The following PTCHD4 variants were observed in gnomAD, a reference collection of about 807,000 sequenced individuals.
PTCHD4 encodes the protein patched domain containing 4.
In PTCHD4, 33 loss-of-function variants were observed where a neutral mutation model predicts 58.1. That is an observed-to-expected ratio of 0.57 (90% CI 0.43 to 0.76). The LOEUF is 0.76. Ranked by LOEUF, PTCHD4 falls within the 30% of genes least tolerant of loss-of-function variation. The pLI is 0.00. For missense variants in PTCHD4, 1,058 were observed against 1,027.1 expected (o/e 1.03, Z -0.41); for synonymous variants, 478 against 409.6 (o/e 1.17, Z -2.02).
chr6:47,979,171 G>A (rs116698237), intron 4 of PTCHD4, among the ~76,000 whole-genome samples: 2,599 of 152,210 alleles, frequency 0.017, 37 homozygotes, highest in South Asian at 0.046. Flanking sequence ...TTTGAGGGAT[G>A]GTTGTGGGGA....
In PTCHD4 at chr6:47,865,570, C is replaced by T. The variant is rs1763541783; in HGVS notation, c.*12733G>A. 6.6e-6 allele frequency among the ~76,000 whole-genome samples: 1 copy of T among 151,790 alleles called. No homozygotes were observed. Among genetic ancestry groups the T allele is most frequent in the African/African-American group, 2.4e-5 (1 of 41,356 alleles). On this transcript the variant is annotated 3_prime_UTR_variant, in exon 5 of 5. Coordinates refer to ENST00000339488, the MANE Select transcript of PTCHD4 (RefSeq NM_001384253.1). ...TGTTGTGTTTTAGACACTCAAAGTT[C>T]TTGGGTGTTCAGGCCATCTTACAGA...
chr6:47,894,750 T>C (rs1764482755), intron 4 of PTCHD4, among the ~76,000 whole-genome samples: 1 of 152,254 alleles, frequency 6.6e-6, no homozygotes, highest in Non-Finnish European at 1.5e-5. Flanking sequence ...TATTGCTCTC[T>C]TGTGATAAAT....
chr6:48,081,620 T>C (rs1156456939), intron 1 of PTCHD4, among the ~76,000 whole-genome samples: 1 of 152,182 alleles, frequency 6.6e-6, no homozygotes, highest in African/African-American at 2.4e-5. Context: ...TTAAATGTGC[T>C]TCTTGCCTTC....
chr6:48,004,250 A>C (rs1476373987), intron 4 of PTCHD4, among the ~76,000 whole-genome samples: 1 of 152,138 alleles, frequency 6.6e-6, no homozygotes, highest in African/African-American at 2.4e-5. Context: ...CTGTATCTGA[A>C]AGGCTTGTTT....
rs1369665796 is a variant in PTCHD4 at position 47,861,121 on chromosome 6, A to T, written c.*17182T>A. Among the ~76,000 whole-genome samples the T allele has an allele frequency of 1.3e-5, 2 of 151,928 alleles. No homozygotes were observed. The highest frequency in any genetic ancestry group is 4.8e-5 in the African/African-American group (2 of 41,406). On this transcript the variant is annotated 3_prime_UTR_variant, in exon 5 of 5. Coordinates refer to ENST00000339488, the MANE Select transcript of PTCHD4 (RefSeq NM_001384253.1). ...AAACATGTTGGAACTTGGCGTGAAG[A>T]AGGGCAAGATTGTTTTTCTCCATCT...
chr6:47,955,419 T>C (rs1193450428), intron 4 of PTCHD4, among the ~76,000 whole-genome samples: 2 of 152,158 alleles, frequency 1.3e-5, no homozygotes, highest in Non-Finnish European at 2.9e-5. Context: ...AGAAATAGTA[T>C]AAGCTGACGG....
intron 4 of PTCHD4, among the ~76,000 whole-genome samples, chr6:48,005,956 C>T (rs755771635): frequency 3.3e-5 from 5 of 152,088 alleles, no homozygotes; most frequent in Non-Finnish European, 5.9e-5. Context: ...TTTATTTCAC[C>T]AGTTCTCAAT....
intron 1 of PTCHD4, among the ~76,000 whole-genome samples, chr6:48,082,919 C>A (rs1220337644): frequency 6.6e-5 from 10 of 151,746 alleles, no homozygotes; most frequent in Admixed American, 6.6e-4. Flanking sequence ...CTTATTGGTA[C>A]ATGTTTGGCT....
chr6:48,002,981 C>T (rs969919057), intron 4 of PTCHD4, among the ~76,000 whole-genome samples: 8 of 152,020 alleles, frequency 5.3e-5, no homozygotes, highest in African/African-American at 1.9e-4. Context: ...TCTCTTGTTC[C>T]TTCATAAAAC....
chr6:48,011,373 G>A (rs980981604), intron 3 of PTCHD4, among the ~76,000 whole-genome samples: 10 of 152,058 alleles, frequency 6.6e-5, no homozygotes, highest in African/African-American at 2.2e-4. Flanking sequence ...CTCATTAAAT[G>A]TCTTCTTTTG....
chr6:47,960,922 A>T (rs1767061241), intron 4 of PTCHD4, among the ~76,000 whole-genome samples: 1 of 151,342 alleles, frequency 6.6e-6, no homozygotes, highest in Non-Finnish European at 1.5e-5. Flanking sequence ...ATGACTAGGA[A>T]ACTGCTATCA....
intron 4 of PTCHD4, among the ~76,000 whole-genome samples, chr6:47,957,600 A>T (rs1482652827): frequency 1.8e-4 from 26 of 146,368 alleles, no homozygotes; most frequent in African/African-American, 4.8e-4. Context: ...TTTTATTTTT[A>T]TTTTTATTTT....
At chr6:48,057,771 G>C (rs1204509055) in intron 3 of PTCHD4, among the ~76,000 whole-genome samples, 1 of 152,194 alleles carries the variant, frequency 6.6e-6, no homozygotes, top group African/African-American at 2.4e-5. Context: ...GAACTTGAAG[G>C]CTGAGCTAAG....
chr6:47,928,045 C>T (rs1483156355), intron 4 of PTCHD4, among the ~76,000 whole-genome samples: 2 of 152,098 alleles, frequency 1.3e-5, no homozygotes, highest in South Asian at 2.1e-4. Context: ...TACATGGTGA[C>T]AGTTTTCTGT....
chr6:47,901,683 G>A, intron 4 of PTCHD4: 1 of 1,157,040 alleles, frequency 8.6e-7, no homozygotes, highest in Non-Finnish European at 1.1e-6. Flanking sequence ...ATACCTGGAG[G>A]ATACTTAACC....
At chr6:48,081,744 T>C (rs1335561931) in intron 1 of PTCHD4, among the ~76,000 whole-genome samples, 1 of 152,154 alleles carries the variant, frequency 6.6e-6, no homozygotes, top group Non-Finnish European at 1.5e-5. Context: ...ATTTGTAGGA[T>C]TGTAGGCATT....
Position 47,866,280 on chromosome 6 carries a change from A to G in PTCHD4, c.*12023T>C, listed in dbSNP as rs9473203. Among the ~76,000 whole-genome samples, 2,108 of 151,976 alleles carry G rather than the reference A, an allele frequency of 0.014. 48 individuals carry two copies. The highest frequency in any genetic ancestry group is 0.045 in the African/African-American group (1,876 of 41,510). On this transcript the variant is annotated 3_prime_UTR_variant, in exon 5 of 5. Coordinates refer to ENST00000339488, the MANE Select transcript of PTCHD4 (RefSeq NM_001384253.1). ...AAGCCACTGTTTTTCAAATTGAGCCACACATTGAAATCACTATGGGAACTC... is the reference window on the plus strand; with the variant it reads ...AAGCCACTGTTTTTCAAATTGAGCCGCACATTGAAATCACTATGGGAACTC...
chr6:47,959,240 G>A (rs1186676808), intron 4 of PTCHD4, among the ~76,000 whole-genome samples: 2 of 152,132 alleles, frequency 1.3e-5, no homozygotes, highest in Non-Finnish European at 2.9e-5. Context: ...TGTACAAAAT[G>A]ATTAAAAGGA....
chr6:48,069,198 G>GA lies in PTCHD4; in HGVS notation c.-242_-241insT, dbSNP rs1208758775. Among the ~76,000 whole-genome samples, 2 of 133,650 alleles carry GA rather than the reference G, an allele frequency of 1.5e-5. No homozygotes were observed. Among genetic ancestry groups the GA allele is most frequent in the Non-Finnish European group, 3.2e-5 (2 of 62,364 alleles). 87.7% of individuals were successfully genotyped at this position (133,650 alleles called of 152,430 possible). On this transcript the variant is annotated 5_prime_UTR_variant, in exon 2 of 5. It introduces an in-frame stop codon into an upstream open reading frame of the 5' UTR. Coordinates refer to ENST00000339488, the MANE Select transcript of PTCHD4 (RefSeq NM_001384253.1). ...GAAGGGCGGGAGCACGTTGGGGGTG[G>GA]GGGGGCAGATAAGCTTTTTTCTTTT...
Sources: gnomAD v4.1 joint callset for allele counts (sites outside exome capture counted in the v4.1 genomes callset) on GRCh38, gnomAD v4.1.1 for gene constraint, MANE v1.5 for transcripts, NCBI Gene and HGNC (gene_info 2026-07-23, HGNC 2026-07-21) for gene names.